TBC1D22A: variants seen among roughly 807,000 people sequenced by gnomAD.
TBC1D22A encodes the protein TBC1 domain family member 22A.
In TBC1D22A, 38 loss-of-function variants were observed where a neutral mutation model predicts 60.2. That is an observed-to-expected ratio of 0.63 (90% CI 0.49 to 0.83). The LOEUF is 0.83. TBC1D22A is among the 40% of genes least tolerant of loss of function. The probability of loss-of-function intolerance (pLI) is 0.00; values close to 1 mark genes in which losing one functional copy is unlikely to be tolerated. For missense variants in TBC1D22A, 628 were observed against 701.0 expected (o/e 0.90, Z 1.18); for synonymous variants, 302 against 281.7 (o/e 1.07, Z -0.72).
At chr22:47,115,045 G>A (rs2065983169) in intron 12 of TBC1D22A, among the ~76,000 whole-genome samples, 1 of 151,622 alleles carries the variant, frequency 6.6e-6, no homozygotes, top group Non-Finnish European at 1.5e-5. Flanking sequence ...GCGGGGCGGG[G>A]CGGGGTGAGG....
In TBC1D22A at chr22:47,124,060, C is replaced by T. The variant is rs928686692; in HGVS notation, c.1425+12457C>T. The stretch of plus-strand genomic sequence containing the variant: ...GCACATGGCAGGTCCATGGTGGGTG[C>T]GCTTACTGCCGGATTAGGCCTCCCC... On this transcript the variant is annotated intron_variant, in intron 12 of 12. Coordinates refer to ENST00000337137, the MANE Select transcript of TBC1D22A (RefSeq NM_014346.5). 9.2e-5 allele frequency among the ~76,000 whole-genome samples: 14 copies of T among 152,178 alleles called. No individual in the cohort carries two copies. The East Asian group carries it at 2.3e-3, about 25-fold the overall frequency.
At chr22:46,954,858 G>C (rs766142165) in intron 8 of TBC1D22A, among the ~76,000 whole-genome samples, 7 of 152,180 alleles carry the variant, frequency 4.6e-5, no homozygotes, top group Non-Finnish European at 8.8e-5. Context: ...CCCAGGAAAG[G>C]ATAAATGGAT....
chr22:47,146,915 C>T (rs1184818258), intron 12 of TBC1D22A, among the ~76,000 whole-genome samples: 1 of 152,236 alleles, frequency 6.6e-6, no homozygotes, highest in Non-Finnish European at 1.5e-5. Flanking sequence ...GGATGACACA[C>T]ATTCATTCAT....
At chr22:46,764,788 A>T (rs752725859) in intron 1 of TBC1D22A, among the ~76,000 whole-genome samples, 9 of 152,202 alleles carry the variant, frequency 5.9e-5, no homozygotes, top group Admixed American at 1.3e-4. Flanking sequence ...AAGCCAAGGA[A>T]AGCCAGGGGT....
intron 8 of TBC1D22A, chr22:46,915,174 T>C (rs1320483228): frequency 1.1e-5 from 4 of 351,402 alleles, no homozygotes; most frequent in Non-Finnish European, 2.2e-5. Flanking sequence ...CAGGTTCTTA[T>C]CTTTGAACAT....
At chr22:46,887,106 G>A (rs1195857890) in intron 5 of TBC1D22A, among the ~76,000 whole-genome samples, 1 of 152,244 alleles carries the variant, frequency 6.6e-6, no homozygotes. Context: ...GGGCTCACGT[G>A]TGGACTATCT....
At chr22:47,170,595 T>C (rs889050636) in intron 12 of TBC1D22A, among the ~76,000 whole-genome samples, 2 of 152,130 alleles carry the variant, frequency 1.3e-5, no homozygotes, top group Non-Finnish European at 2.9e-5. Context: ...AAATAGCAAT[T>C]GGAAGACGGT....
intron 3 of TBC1D22A, among the ~76,000 whole-genome samples, chr22:46,795,381 C>A (rs1461044456): frequency 6.6e-6 from 1 of 152,230 alleles, no homozygotes; most frequent in African/African-American, 2.4e-5. Context: ...GACCGCAGGA[C>A]CACACGGTGT....
At chr22:46,907,997 G>A (rs1365392173) in intron 7 of TBC1D22A, among the ~76,000 whole-genome samples, 1 of 152,200 alleles carries the variant, frequency 6.6e-6, no homozygotes, top group Non-Finnish European at 1.5e-5. Context: ...ACCCATTGCC[G>A]GCGAGGAGGC....
chr22:47,150,148 C>T (rs1006903435), intron 12 of TBC1D22A, among the ~76,000 whole-genome samples: 3 of 152,136 alleles, frequency 2.0e-5, no homozygotes, highest in Non-Finnish European at 4.4e-5. Context: ...AAGGGCCCCA[C>T]GCGGCACGGG....
At chr22:46,829,653 G>T (rs1248460719) in intron 4 of TBC1D22A, among the ~76,000 whole-genome samples, 2 of 152,212 alleles carry the variant, frequency 1.3e-5, no homozygotes, top group East Asian at 3.8e-4. Context: ...ACAGTGGCCT[G>T]TTTGCCCAAG....
At chr22:47,120,147 C>G (rs915913072) in intron 12 of TBC1D22A, among the ~76,000 whole-genome samples, 11 of 152,208 alleles carry the variant, frequency 7.2e-5, no homozygotes, top group Admixed American at 5.9e-4. Context: ...AATATCCTAT[C>G]AATAAACCAG....
rs111919968 is a variant in TBC1D22A, at chr22:46,956,634, C to T, written c.1016-17656C>T. 2.3e-3 allele frequency among the ~76,000 whole-genome samples: 352 copies of T among 152,172 alleles called. 1 individual carries two copies. The highest frequency in any genetic ancestry group is 0.017 in the Middle Eastern group (5 of 294). Reference sequence around the variant, plus strand: ...GGGATGTGTAGTGCCCTGTCAAGCCCGAAAGTTGAGTGCGTCTCGTGTGGT... The same window carrying T: ...GGGATGTGTAGTGCCCTGTCAAGCCTGAAAGTTGAGTGCGTCTCGTGTGGT... On this transcript the variant is annotated intron_variant, in intron 8 of 12. Coordinates refer to ENST00000337137, the MANE Select transcript of TBC1D22A (RefSeq NM_014346.5).
At chr22:46,901,510 G>A (rs1356569003) in intron 7 of TBC1D22A, among the ~76,000 whole-genome samples, 1 of 152,214 alleles carries the variant, frequency 6.6e-6, no homozygotes, top group Non-Finnish European at 1.5e-5. Context: ...TGAGGTGAAT[G>A]TTGAGTAATT....
At chr22:47,119,332 C>G (rs558740363) in intron 12 of TBC1D22A, among the ~76,000 whole-genome samples, 30 of 152,116 alleles carry the variant, frequency 2.0e-4, no homozygotes, top group Non-Finnish European at 3.4e-4. Context: ...CTTGGCACTC[C>G]GTCTCACAGA....
intron 8 of TBC1D22A, among the ~76,000 whole-genome samples, chr22:46,930,753 G>A (rs986179743): frequency 1.3e-4 from 19 of 151,844 alleles, no homozygotes; most frequent in African/African-American, 2.4e-4. Context: ...GTGAGCCACC[G>A]CGCCCAGCCT....
intron 12 of TBC1D22A, among the ~76,000 whole-genome samples, chr22:47,136,807 G>A (rs1444398329): frequency 1.3e-5 from 2 of 152,218 alleles, no homozygotes; most frequent in African/African-American, 4.8e-5. Context: ...CAGAGCGGGA[G>A]CTGCCTCATC....
chr22:47,172,767 G>A (rs2068535712), intron 12 of TBC1D22A, among the ~76,000 whole-genome samples: 1 of 152,222 alleles, frequency 6.6e-6, no homozygotes, highest in Non-Finnish European at 1.5e-5. Flanking sequence ...TTGTTCCAGG[G>A]CACCAGGTTG....
chr22:46,888,233 T>C (rs749116487), intron 5 of TBC1D22A, among the ~76,000 whole-genome samples: 8 of 152,204 alleles, frequency 5.3e-5, no homozygotes, highest in Non-Finnish European at 1.2e-4. Flanking sequence ...GCCGTGTAGC[T>C]TAGCCCAGTT....
Sources: gnomAD v4.1 joint callset for allele counts (sites outside exome capture counted in the v4.1 genomes callset) on GRCh38, gnomAD v4.1.1 for gene constraint, MANE v1.5 for transcripts, NCBI Gene and HGNC (gene_info 2026-07-23, HGNC 2026-07-21) for gene names.